Variants in AP3M2 observed in about 807,000 individuals in gnomAD.
AP3M2 encodes the protein AP-3 complex subunit mu-2.
A neutral mutation model predicts 41.6 loss-of-function variants in AP3M2; 28 were observed. That is an observed-to-expected ratio of 0.67 (90% CI 0.50 to 0.92). The LOEUF is 0.92. Ranked by LOEUF, AP3M2 falls within the 40% of genes least tolerant of loss-of-function variation. The probability of loss-of-function intolerance (pLI) is 0.00; values close to 1 mark genes in which losing one functional copy is unlikely to be tolerated. For synonymous variants in AP3M2, 193 were observed against 186.4 expected (o/e 1.04, Z -0.29); for missense variants, 427 against 521.4 (o/e 0.82, Z 1.76).
intron 6 of AP3M2, among the ~76,000 whole-genome samples, chr8:42,166,591 C>CAAAAAA (rs56858276): frequency 1.2e-4 from 9 of 77,052 alleles, no homozygotes; most frequent in East Asian, 4.0e-4. Context: ...CTTGTCTCTA[C>CAAAAAA]AAAAAAAAAA....
intron 3 of AP3M2, among the ~76,000 whole-genome samples, chr8:42,158,536 A>C (rs191678598): frequency 1.6e-4 from 24 of 152,126 alleles, no homozygotes; most frequent in Non-Finnish European, 3.5e-4. Flanking sequence ...GGTGTGAGCC[A>C]CCGCGCCTGG....
At chr8:42,168,919 A>G (rs753318485) in intron 8 of AP3M2, 42 bp from the exon 9 acceptor site, 1 of 1,473,776 alleles carries the variant, frequency 6.8e-7, no homozygotes, top group Non-Finnish European at 9.3e-7. Flanking sequence ...GCTCCTTTTG[A>G]ATAATACTCA....
chr8:42,165,699 T>A, intron 6 of AP3M2, 139 bp downstream of exon 6: 13 of 972,492 alleles, frequency 1.3e-5, no homozygotes, highest in Middle Eastern at 2.6e-4. Flanking sequence ...TTGGGTAACC[T>A]CAGGTGAGTT....
chr8:42,165,700 C>T, intron 6 of AP3M2, 140 bp downstream of exon 6: 1 of 987,682 alleles, frequency 1.0e-6, no homozygotes, highest in Non-Finnish European at 1.5e-6. Context: ...TGGGTAACCT[C>T]AGGTGAGTTG....
intron 5 of AP3M2, 114 bp downstream of exon 5, chr8:42,165,270 G>C (rs994178051): frequency 4.0e-5 from 58 of 1,435,036 alleles, no homozygotes; most frequent in Non-Finnish European, 5.3e-5. Context: ...CAGCCACGAA[G>C]CTTGTCTCAG....
chr8:42,162,074 G>C (rs1804519489), intron 3 of AP3M2: 1 of 421,398 alleles, frequency 2.4e-6, no homozygotes, highest in East Asian at 3.7e-5. Context: ...CCTTTATTCT[G>C]TTTGAAAAGG....
At chr8:42,168,642 T>C (rs932082582) in intron 8 of AP3M2, among the ~76,000 whole-genome samples, 4 of 152,252 alleles carry the variant, frequency 2.6e-5, no homozygotes, top group South Asian at 4.1e-4. Flanking sequence ...TGTTTTGTTA[T>C]TCATTTTTTC....
intron 3 of AP3M2, among the ~76,000 whole-genome samples, chr8:42,161,590 T>C (rs1248531814): frequency 6.6e-6 from 1 of 152,124 alleles, no homozygotes; most frequent in Non-Finnish European, 1.5e-5. Context: ...GCCTGGGCGA[T>C]AGAGCGAGAC....
chr8:42,169,345 A>T lies in AP3M2; in HGVS notation c.*284A>T, dbSNP rs1205360568. On this transcript the variant is annotated 3_prime_UTR_variant, in exon 9 of 9. Coordinates refer to ENST00000396926, the MANE Select transcript of AP3M2 (RefSeq NM_006803.4). ...TAACCATTTTAAACGTGGTTTCTAT[A>T]GGAAAGACCAACATTTGTTTAGCTT... The T allele has an allele frequency of 3.9e-6, 1 of 253,520 alleles. No individual in the cohort carries two copies. Among genetic ancestry groups the T allele is most frequent in the Admixed American group, 5.5e-5 (1 of 18,316 alleles). The allele number at this position is 253,520 out of a possible 1,614,324, so 15.7% of individuals were successfully genotyped here.
chr8:42,158,250 G>GTT (rs869114568), intron 3 of AP3M2, 138 bp downstream of exon 3: 1,409 of 226,406 alleles, frequency 6.2e-3, no homozygotes, highest in South Asian at 8.7e-3. Context: ...CTTTGTAGTT[G>GTT]TTTTTTTTTT....
intron 2 of AP3M2, 47 bp from the exon 3 acceptor site, chr8:42,157,894 A>C: frequency 6.5e-7 from 1 of 1,527,254 alleles, no homozygotes; most frequent in Non-Finnish European, 9.0e-7. Flanking sequence ...TTATTTATTT[A>C]TTTTACAGTA....
chr8:42,158,160 A>G (rs199651258), intron 3 of AP3M2, 48 bp downstream of exon 3: 1 of 1,573,816 alleles, frequency 6.4e-7, no homozygotes, highest in Admixed American at 1.7e-5. Flanking sequence ...CTACAGCCTG[A>G]GTGGCTTAGT....
intron 4 of AP3M2, among the ~76,000 whole-genome samples, chr8:42,164,707 A>G (rs1054260415): frequency 2.0e-5 from 3 of 152,188 alleles, no homozygotes; most frequent in Non-Finnish European, 4.4e-5. Flanking sequence ...CCTTAGGGAG[A>G]ACAGTTTCTG....
intron 6 of AP3M2, chr8:42,166,766 CAA>C (rs1334208187): frequency 2.2e-5 from 4 of 179,822 alleles, no homozygotes; most frequent in East Asian, 1.4e-4. Context: ...GACCCTATCT[CAA>C]AAAAAAAAGA....
At chr8:42,165,762 T>C (rs967113296) in intron 6 of AP3M2, 25 of 534,816 alleles carry the variant, frequency 4.7e-5, no homozygotes, top group Non-Finnish European at 7.1e-5. Flanking sequence ...ATAATAAAAG[T>C]GCCTTGTTCT....
chr8:42,168,793 T>C (rs1804708247), intron 8 of AP3M2, among the ~76,000 whole-genome samples, 168 bp from the exon 9 acceptor site: 1 of 152,226 alleles, frequency 6.6e-6, no homozygotes, highest in African/African-American at 2.4e-5. Context: ...CTTTTTTTGC[T>C]GTCAGTATCT....
At chr8:42,162,247 TGGTGTTAAAA>T in intron 3 of AP3M2, 24 bp from the exon 4 acceptor site, 5 of 1,580,494 alleles carry the variant, frequency 3.2e-6, no homozygotes, top group Non-Finnish European at 4.3e-6. Context: ...AGAGTCAAAA[TGGTGTTAAAA>T]TACAGTAATA....
rs1804610072 is a variant in AP3M2 at position 42,165,338 on chromosome 8, T to C, written c.670-89T>C. The C allele has an allele frequency of 3.3e-6, 5 of 1,523,862 alleles. No individual in the cohort carries two copies. The Admixed American group carries it at 9.2e-5, about 28-fold the overall frequency. The allele number at this position is 1,523,862 out of a possible 1,614,324, so 94.4% of individuals were successfully genotyped here. A position where few individuals can be genotyped will look rare whatever the true frequency, so the allele number is the denominator to read the frequency against. ...CTGTGTGTGTGTGTGTGGTGTGTTT[T>C]AATTAAAAACAGCATTTAAATTGCT... On this transcript the variant is annotated intron_variant, in intron 5 of 8. Transcript: ENST00000396926.
intron 2 of AP3M2, 112 bp from the exon 3 acceptor site, chr8:42,157,829 C>A: frequency 1.9e-6 from 2 of 1,029,568 alleles, no homozygotes; most frequent in Non-Finnish European, 2.8e-6. Flanking sequence ...AGAAGAGTAG[C>A]CCAGAAACAC....
Sources: gnomAD v4.1 joint callset for allele counts (sites outside exome capture counted in the v4.1 genomes callset) on GRCh38, gnomAD v4.1.1 for gene constraint, MANE v1.5 for transcripts, NCBI Gene and HGNC (gene_info 2026-07-23, HGNC 2026-07-21) for gene names.